The following ERCC4 variants were observed in gnomAD, a reference collection of about 807,000 sequenced individuals.
The protein encoded by ERCC4 is ERCC excision repair 4, endonuclease catalytic subunit.
Under a neutral mutation model 76.9 loss-of-function variants are expected in ERCC4, and 65 were observed. The ratio of observed to expected loss-of-function variants is 0.84; its 90% CI spans 0.69 to 1.04. The LOEUF (loss-of-function observed/expected upper bound fraction) is 1.04. ERCC4 is among the 50% of genes least tolerant of loss of function. The pLI is 0.00. For missense variants in ERCC4, 1,214 were observed against 1,128.2 expected (o/e 1.08, Z -1.09); for synonymous variants, 463 against 410.1 (o/e 1.13, Z -1.56).
At chr16:13,947,102 A>G (rs1246603287) in intron 10 of ERCC4, among the ~76,000 whole-genome samples, 1 of 152,160 alleles carries the variant, frequency 6.6e-6, no homozygotes, top group African/African-American at 2.4e-5. Context: ...GCTCATGTGC[A>G]TGTTATAATG....
chr16:13,947,652 G>A lies in ERCC4; in HGVS notation c.2056G>A (p.Val686Met). 1 of 1,614,152 alleles carries A rather than the reference G, an allele frequency of 6.2e-7. No homozygotes were observed. The highest frequency in any genetic ancestry group is 1.1e-5 in the South Asian group (1 of 91,068). The change falls in exon 11 of 11, where the codon GTG (valine) becomes ATG (methionine). Residue 686 changes from valine to methionine, a missense_variant. Val to Met is a conservative substitution (Grantham distance 21). Coordinates refer to ENST00000311895, the MANE Select transcript of ERCC4 (RefSeq NM_005236.3). ...EQNGTQQSIV[V>M]DMREFRSELP... ...GAATGGTACACAGCAAAGCATAGTT[G>A]TGGATATGCGTGAATTTCGAAGTGA...
chr16:13,934,557 A>ATTCACT, intron 7 of ERCC4: 1 of 448,298 alleles, frequency 2.2e-6, no homozygotes. Flanking sequence ...TATTCATGAA[A>ATTCACT]GCAGGTTTTT....
chr16:13,921,086 G>C (rs1272183400), intron 1 of ERCC4, among the ~76,000 whole-genome samples: 1 of 152,136 alleles, frequency 6.6e-6, no homozygotes, highest in Non-Finnish European at 1.5e-5. Flanking sequence ...GCAGAAGGAA[G>C]GTCCCTGAAA....
At position 13,951,580 on chromosome 16, in the gene ERCC4, G is replaced by C. The variant is rs1390826086; in HGVS notation, c.*3233G>C. ...TCTACATGTGTTTGAGTACATCCTG[G>C]ATACAGTTTCCCAGCTCATGAGGGA... is the stretch of plus-strand genomic sequence containing the variant. On this transcript the variant is annotated 3_prime_UTR_variant, in exon 11 of 11. Transcript: ENST00000311895. The C allele has an allele frequency of 4.7e-6, 1 of 213,078 alleles. No homozygotes were observed. Among genetic ancestry groups the C allele is most frequent in the Non-Finnish European group, 9.5e-6 (1 of 105,466 alleles). The allele number at this position is 213,078 out of a possible 1,614,324, so 13.2% of individuals were successfully genotyped here.
rs1416725176 is a variant in ERCC4, at chr16:13,951,088, A to G, written c.*2741A>G. 5.4e-6 allele frequency: 1 copy of G among 186,348 alleles called. No homozygotes were observed. Among genetic ancestry groups the G allele is most frequent in the African/African-American group, 2.3e-5 (1 of 42,772 alleles). 11.5% of individuals were successfully genotyped at this position (186,348 alleles called of 1,614,324 possible). A position where few individuals can be genotyped will look rare whatever the true frequency, so the allele number is the denominator to read the frequency against. On this transcript the variant is annotated 3_prime_UTR_variant, in exon 11 of 11. Transcript: ENST00000311895. ...ACCACTTCCTCTTCCAACTACATAA[A>G]TATATTTCAATGTATTTCCAGTTTT...
At position 13,926,647 on chromosome 16, in the gene ERCC4, G is replaced by A. The variant is rs181993439; in HGVS notation, c.475G>A (p.Gly159Ser). Residue 159 changes from glycine to serine, a missense_variant, in exon 3 of 11, where the codon GGT becomes AGT. Gly to Ser is a moderately conservative substitution (Grantham distance 56, BLOSUM62 0). Coordinates refer to ENST00000311895, the MANE Select transcript of ERCC4 (RefSeq NM_005236.3). The part of the protein sequence containing the change: ...LRLFRQKNKR[G>S]FIKAFTDNAV... ...CCTCTTTCGCCAGAAAAACAAACGTGGTTTTATTAAAGCTTTCACAGACAA... is the reference window on the plus strand; with the variant it reads ...CCTCTTTCGCCAGAAAAACAAACGTAGTTTTATTAAAGCTTTCACAGACAA... 5.0e-6 allele frequency: 8 copies of A among 1,613,918 alleles called. No homozygotes were observed. The highest frequency in any genetic ancestry group is 1.6e-4 in the Middle Eastern group (1 of 6,062).
intron 9 of ERCC4, among the ~76,000 whole-genome samples, chr16:13,938,352 C>G (rs2032346460): frequency 6.6e-6 from 1 of 152,104 alleles, no homozygotes; most frequent in African/African-American, 2.4e-5. Context: ...TGTTGTTTGT[C>G]TGGACATACA....
rs2032076033 is a variant in ERCC4, at chr16:13,926,581, C to G, written c.409C>G (p.His137Asp). The G allele has an allele frequency of 5.6e-6, 9 of 1,613,936 alleles. No individual in the cohort carries two copies. Among genetic ancestry groups the G allele is most frequent in the African/African-American group, 1.3e-5 (1 of 74,898 alleles). Reference protein sequence around the residue: ...LITGILVYRAHRIIESCQEAF... With the variant: ...LITGILVYRADRIIESCQEAF... ...CTCAGGCATCTTGGTGTATAGAGCCCACAGAATAATCGAGTCTTGTCAAGA... is the reference window on the plus strand; with the variant it reads ...CTCAGGCATCTTGGTGTATAGAGCCGACAGAATAATCGAGTCTTGTCAAGA... Residue 137 changes from histidine to aspartate, a missense_variant, in exon 3 of 11, where the codon CAC (histidine) becomes GAC (aspartate). By Grantham distance (81) the His-to-Asp change is moderately conservative. Coordinates refer to ENST00000311895, the MANE Select transcript of ERCC4 (RefSeq NM_005236.3).
chr16:13,930,616 T>C, intron 4 of ERCC4, 94 bp from the exon 5 acceptor site: 1 of 929,868 alleles, frequency 1.1e-6, no homozygotes, highest in Non-Finnish European at 1.7e-6. Context: ...CATTTTTAGA[T>C]ACACAGGAAA....
At chr16:13,940,694 C>T (rs2032397085) in intron 9 of ERCC4, among the ~76,000 whole-genome samples, 1 of 152,228 alleles carries the variant, frequency 6.6e-6, no homozygotes, top group Non-Finnish European at 1.5e-5. Context: ...CGATAAATCA[C>T]ATCGTCAGCA....
At chr16:13,941,432 G>A (rs1596631893) in intron 9 of ERCC4, among the ~76,000 whole-genome samples, 1 of 152,138 alleles carries the variant, frequency 6.6e-6, no homozygotes, top group Admixed American at 6.5e-5. Context: ...GAGGTGCATT[G>A]TTCAAAAAAC....
Position 13,947,838 on chromosome 16 carries a change from AT to A in ERCC4, c.2243del (p.Met748SerfsTer11), listed in dbSNP as rs1208980947. 1.9e-6 allele frequency: 3 copies of A among 1,613,964 alleles called. No individual in the cohort carries two copies. The African/African-American group carries it at 4.0e-5, about 22-fold the overall frequency. Reference sequence around the variant, plus strand: ...CCGCCTCTACAGCCAGTGCATCTCCATGTCCCGCTACTACAAGCGTCCCGTG... The same window carrying A: ...CCGCCTCTACAGCCAGTGCATCTCCAGTCCCGCTACTACAAGCGTCCCGTG... Reference protein sequence around the residue: ...NGRLYSQCISMSRYYKRPVLL... With the variant: ...NGRLYSQCISXSRYYKRPVLL... On this transcript the variant is annotated frameshift_variant, in exon 11 of 11. Transcript: ENST00000311895. LOFTEE classifies it high-confidence loss of function.
intron 4 of ERCC4, among the ~76,000 whole-genome samples, chr16:13,929,371 A>G (rs1397759644): frequency 1.3e-5 from 2 of 152,236 alleles, no homozygotes; most frequent in African/African-American, 4.8e-5. Context: ...GTTGTCCTGC[A>G]GTGATTATAA....
chr16:13,921,759 T>C (rs2031980848), intron 1 of ERCC4, among the ~76,000 whole-genome samples: 1 of 152,214 alleles, frequency 6.6e-6, no homozygotes, highest in African/African-American at 2.4e-5. Flanking sequence ...TTTTAAAAGT[T>C]TGAGGTTTTG....
rs1800069 is a variant in ERCC4 at position 13,947,713 on chromosome 16, T to C, written c.2117T>C (p.Ile706Thr). 3,920 of 1,614,150 alleles carry C rather than the reference T, an allele frequency of 2.4e-3. 8 individuals carry two copies. Among genetic ancestry groups the C allele is most frequent in the Non-Finnish European group, 3.1e-3 (3,615 of 1,180,052 alleles). ...CTGATCCATCGTCGGGGCATTGACA[T>C]TGAACCCGTGACTTTAGAGGTTGGA... is the stretch of plus-strand genomic sequence containing the variant. ...PSLIHRRGID[I>T]EPVTLEVGDY... The change falls in exon 11 of 11, where the codon ATT becomes ACT. Residue 706 changes from isoleucine to threonine, a missense_variant. Ile to Thr is a moderately conservative substitution (Grantham distance 89). Transcript: ENST00000311895.
intron 4 of ERCC4, among the ~76,000 whole-genome samples, chr16:13,929,903 G>A (rs2032141523): frequency 6.6e-6 from 1 of 152,190 alleles, no homozygotes; most frequent in African/African-American, 2.4e-5. Context: ...GGCGGAGGTT[G>A]CAGTGAGCCG....
In ERCC4 at chr16:13,951,163, AT is replaced by A. The variant is rs2032622851; in HGVS notation, c.*2824del. 2.2e-5 allele frequency: 4 copies of A among 184,288 alleles called. No individual in the cohort carries two copies. The highest frequency in any genetic ancestry group is 8.8e-5 in the East Asian group (1 of 11,364). 11.4% of individuals were successfully genotyped at this position (184,288 alleles called of 1,614,324 possible). On this transcript the variant is annotated 3_prime_UTR_variant, in exon 11 of 11. Transcript: ENST00000311895. ...AGTGTTTACTTAGATTTTTATAAAAATTTTTTTTACAATCTAATAATCTTTG... is the reference window on the plus strand; with the variant it reads ...AGTGTTTACTTAGATTTTTATAAAAATTTTTTTACAATCTAATAATCTTTG...
rs750512090 is a variant in ERCC4 at position 13,935,224 on chromosome 16, TC to T, written c.1293del (p.Leu432TyrfsTer2). The T allele has an allele frequency of 1.2e-6, 2 of 1,614,078 alleles. No homozygotes were observed. On this transcript the variant is annotated frameshift_variant, in exon 8 of 11. Transcript: ENST00000311895. LOFTEE classifies it high-confidence loss of function. ...TATATCACTCTTGGAGCGGAGGCCT[TC>T]TTATTGAGGCTCTACAGGAAAACCT... is the stretch of plus-strand genomic sequence containing the variant. The part of the protein sequence containing the change: ...RDYITLGAEA[F>X]LLRLYRKTFE...
chr16:13,930,584 A>T (rs1006998802), intron 4 of ERCC4, 126 bp from the exon 5 acceptor site: 2 of 702,422 alleles, frequency 2.8e-6, no homozygotes, highest in Non-Finnish European at 4.9e-6. Flanking sequence ...AATATATATG[A>T]CATAAAATTT....
Sources: gnomAD v4.1 joint callset for allele counts (sites outside exome capture counted in the v4.1 genomes callset) on GRCh38, gnomAD v4.1.1 for gene constraint, MANE v1.5 for transcripts, NCBI Gene and HGNC (gene_info 2026-07-23, HGNC 2026-07-21) for gene names.